The following ADAMTSL1 variants were observed in gnomAD, a reference collection of about 807,000 sequenced individuals.
The protein encoded by ADAMTSL1 is ADAMTS-like protein 1.
Under a neutral mutation model 201.8 loss-of-function variants are expected in ADAMTSL1, and 126 were observed. The ratio of observed to expected loss-of-function variants is 0.62; its 90% CI spans 0.54 to 0.72. ADAMTSL1 has a LOEUF of 0.72. Among genes scored for constraint, ADAMTSL1 ranks in the 30% least tolerant of loss-of-function variants. The probability of loss-of-function intolerance (pLI) is 0.00; values close to 1 mark genes in which losing one functional copy is unlikely to be tolerated. For missense variants in ADAMTSL1, 2,679 were observed against 2,277.8 expected, an observed-to-expected ratio of 1.18 and a Z score of -3.59; for synonymous variants, 1,121 against 903.4, an observed-to-expected ratio of 1.24 and a Z score of -4.32.
chr9:18,229,448 A>G (rs549247918), intron 2 of ADAMTSL1, among the ~76,000 whole-genome samples: 2 of 152,228 alleles, frequency 1.3e-5, no homozygotes, highest in South Asian at 2.1e-4. Flanking sequence ...CCTGCCAGGA[A>G]ATAAATGTAG....
intron 1 of ADAMTSL1, among the ~76,000 whole-genome samples, chr9:18,128,756 C>G (rs780752910): frequency 1.1e-4 from 17 of 152,074 alleles, no homozygotes; most frequent in Non-Finnish European, 2.2e-4. Context: ...TTCCCATTCC[C>G]TCTTCCCCAT....
At chr9:18,669,856 C>A (rs1170913398) in intron 9 of ADAMTSL1, among the ~76,000 whole-genome samples, 1 of 152,086 alleles carries the variant, frequency 6.6e-6, no homozygotes, top group African/African-American at 2.4e-5. Context: ...GATGGCCAAA[C>A]CTTGATGTAA....
At chr9:18,243,161 T>C (rs1490358825) in intron 2 of ADAMTSL1, among the ~76,000 whole-genome samples, 1 of 151,944 alleles carries the variant, frequency 6.6e-6, no homozygotes, top group African/African-American at 2.4e-5. Flanking sequence ...CACAATAGAG[T>C]CCAGAAATAA....
chr9:18,014,223 C>CA (rs1338005903), intron 1 of ADAMTSL1, among the ~76,000 whole-genome samples: 12 of 152,146 alleles, frequency 7.9e-5, no homozygotes, highest in Non-Finnish European at 1.8e-4. Flanking sequence ...TGCTACCTAT[C>CA]AGCAGGACCA....
chr9:18,410,975 G>A (rs1336266889), intron 2 of ADAMTSL1, among the ~76,000 whole-genome samples: 3 of 150,578 alleles, frequency 2.0e-5, no homozygotes, highest in Non-Finnish European at 3.0e-5. Context: ...CAAAGTATCT[G>A]GGACTACAGG....
intron 2 of ADAMTSL1, among the ~76,000 whole-genome samples, chr9:18,356,554 C>G (rs1456116937): frequency 7.3e-6 from 1 of 137,222 alleles, no homozygotes; most frequent in Admixed American, 7.5e-5. Context: ...AAAAAAAAGG[C>G]TATCATCTGC....
At chr9:18,710,578 A>G (rs1164468871) in intron 14 of ADAMTSL1, among the ~76,000 whole-genome samples, 1 of 151,808 alleles carries the variant, frequency 6.6e-6, no homozygotes, top group Non-Finnish European at 1.5e-5. Flanking sequence ...GTGTTTGACA[A>G]ACCTAAGAGA....
chr9:18,813,930 A>T (rs1450998504), intron 20 of ADAMTSL1, among the ~76,000 whole-genome samples: 1 of 152,212 alleles, frequency 6.6e-6, no homozygotes, highest in Admixed American at 6.5e-5. Context: ...CCCATTCAGT[A>T]TTATATTAGC....
At chr9:18,312,855 G>A (rs1834208554) in intron 2 of ADAMTSL1, among the ~76,000 whole-genome samples, 1 of 151,994 alleles carries the variant, frequency 6.6e-6, no homozygotes, top group Admixed American at 6.5e-5. Context: ...TGTTTTTAAT[G>A]ATATTTATAT....
intron 1 of ADAMTSL1, among the ~76,000 whole-genome samples, chr9:18,483,009 T>C (rs1057130475): frequency 2.0e-5 from 3 of 152,354 alleles, no homozygotes; most frequent in Middle Eastern, 3.4e-3. Context: ...ATGAGGTTAA[T>C]TGGCATTTAA....
chr9:18,407,842 A>G (rs1173637538), intron 2 of ADAMTSL1, among the ~76,000 whole-genome samples: 1 of 152,188 alleles, frequency 6.6e-6, no homozygotes, highest in Non-Finnish European at 1.5e-5. Context: ...AGGGTCAAAG[A>G]TATTAGAGAA....
chr9:18,706,430 T>G (rs1282445349), intron 13 of ADAMTSL1, among the ~76,000 whole-genome samples: 1 of 151,872 alleles, frequency 6.6e-6, no homozygotes, highest in African/African-American at 2.4e-5. Context: ...GAATTTAGAG[T>G]GAGGAGAAGA....
chr9:18,465,093 A>T (rs545712208), intron 2 of ADAMTSL1, among the ~76,000 whole-genome samples: 1 of 152,254 alleles, frequency 6.6e-6, no homozygotes, highest in African/African-American at 2.4e-5. Flanking sequence ...AAAAGTTTAC[A>T]GAATCTCAGG....
chr9:18,902,857 C>G (rs1031360757), intron 26 of ADAMTSL1, among the ~76,000 whole-genome samples: 3 of 152,116 alleles, frequency 2.0e-5, no homozygotes, highest in Non-Finnish European at 4.4e-5. Context: ...AGAGAAGACT[C>G]GAATTCCTAA....
At chr9:18,648,483 T>C (rs201838433) in intron 7 of ADAMTSL1, among the ~76,000 whole-genome samples, 24 of 152,212 alleles carry the variant, frequency 1.6e-4, no homozygotes, top group Admixed American at 5.9e-4. Flanking sequence ...TTCCTAGTCT[T>C]GATGGTCTTT....
At chr9:18,338,082 G>A (rs1315881063) in intron 2 of ADAMTSL1, among the ~76,000 whole-genome samples, 4 of 152,092 alleles carry the variant, frequency 2.6e-5, no homozygotes, top group African/African-American at 9.7e-5. Context: ...CTTTCACTGT[G>A]AATACATGGT....
chr9:18,602,322 T>C (rs929223854), intron 4 of ADAMTSL1, among the ~76,000 whole-genome samples: 1 of 152,232 alleles, frequency 6.6e-6, no homozygotes, highest in African/African-American at 2.4e-5. Context: ...ACGAAACTTC[T>C]GCTGCAAACA....
chr9:18,340,408 C>G (rs1835421517), intron 2 of ADAMTSL1, among the ~76,000 whole-genome samples: 1 of 152,164 alleles, frequency 6.6e-6, no homozygotes, highest in Admixed American at 6.5e-5. Context: ...ATATCCAACT[C>G]TTAATATCTC....
chr9:18,694,315 C>T (rs1226723945), intron 13 of ADAMTSL1, among the ~76,000 whole-genome samples: 1 of 152,106 alleles, frequency 6.6e-6, no homozygotes, highest in East Asian at 1.9e-4. Flanking sequence ...ATACAATCAT[C>T]CCTTCTCAAC....
Sources: gnomAD v4.1 joint callset for allele counts (sites outside exome capture counted in the v4.1 genomes callset) on GRCh38, gnomAD v4.1.1 for gene constraint, MANE v1.5 for transcripts, NCBI Gene and HGNC (gene_info 2026-07-23, HGNC 2026-07-21) for gene names.